NAV3: variants seen among roughly 807,000 people sequenced by gnomAD.
NAV3 encodes neuron navigator 3.
A neutral mutation model predicts 244.7 loss-of-function variants in NAV3; 87 were observed. That is an observed-to-expected ratio of 0.36 (90% CI 0.30 to 0.42). The LOEUF (loss-of-function observed/expected upper bound fraction) is 0.42. Among genes scored for constraint, NAV3 ranks in the 20% least tolerant of loss-of-function variants. NAV3 has a pLI of 1.00. For synonymous variants in NAV3, 1,126 were observed against 1,042.2 expected (o/e 1.08, Z -1.55); for missense variants, 2,663 against 2,893.3 (o/e 0.92, Z 1.83).
At chr12:77,683,753 T>G (rs535779403) in intron 2 of NAV3, among the ~76,000 whole-genome samples, 261 of 151,994 alleles carry the variant, frequency 1.7e-3, no homozygotes, top group African/African-American at 6.0e-3. Flanking sequence ...GAGATTCTTT[T>G]GTTTACTGTG....
chr12:78,120,904 T>C (rs1281838547), intron 15 of NAV3, among the ~76,000 whole-genome samples: 1 of 152,232 alleles, frequency 6.6e-6, no homozygotes, highest in Non-Finnish European at 1.5e-5. Flanking sequence ...CAATTTCAGA[T>C]ACCTGATTGT....
chr12:77,670,895 T>G (rs1175835738), intron 2 of NAV3, among the ~76,000 whole-genome samples: 2 of 152,106 alleles, frequency 1.3e-5, no homozygotes, highest in Non-Finnish European at 2.9e-5. Flanking sequence ...GGATGGGTAC[T>G]TTCACCACTT....
chr12:77,671,509 A>G (rs1873971950), intron 2 of NAV3, among the ~76,000 whole-genome samples: 1 of 152,188 alleles, frequency 6.6e-6, no homozygotes, highest in Non-Finnish European at 1.5e-5. Context: ...CCTGACTTCA[A>G]ACTATACTAT....
At chr12:77,825,330 T>C (rs1363326746) in intron 2 of NAV3, among the ~76,000 whole-genome samples, 6 of 152,190 alleles carry the variant, frequency 3.9e-5, no homozygotes, top group South Asian at 4.1e-4. Flanking sequence ...GATTATTCAG[T>C]TTTTAATTTT....
chr12:77,715,664 G>A (rs576330918), intron 2 of NAV3, among the ~76,000 whole-genome samples: 1 of 152,040 alleles, frequency 6.6e-6, no homozygotes, highest in Admixed American at 6.6e-5. Flanking sequence ...TTGAAGCAGA[G>A]TTCTTTTTTC....
At chr12:77,786,128 T>A (rs1870894155) in intron 2 of NAV3, among the ~76,000 whole-genome samples, 1 of 152,116 alleles carries the variant, frequency 6.6e-6, no homozygotes, top group Non-Finnish European at 1.5e-5. Context: ...TAGCGCCTCT[T>A]AAAAAAATCC....
At chr12:77,915,833 C>G (rs1592989241) in intron 1 of NAV3, among the ~76,000 whole-genome samples, 1 of 151,920 alleles carries the variant, frequency 6.6e-6, no homozygotes, top group African/African-American at 2.4e-5. Flanking sequence ...GTTTATTGAT[C>G]ATTTCCTGTG....
intron 1 of NAV3, among the ~76,000 whole-genome samples, chr12:77,865,252 CTTTTA>C (rs942374797): frequency 6.6e-6 from 1 of 151,972 alleles, no homozygotes; most frequent in African/African-American, 2.4e-5. Context: ...TATTATTATA[CTTTTA>C]TTTTACTTTA....
In NAV3 at chr12:78,144,539, G is replaced by T. The variant is rs146085239; in HGVS notation, c.4684-1830G>T. Among the ~76,000 whole-genome samples the T allele has an allele frequency of 2.1e-3, 317 of 152,144 alleles. 2 individuals carry two copies. The highest frequency in any genetic ancestry group is 7.2e-3 in the African/African-American group (298 of 41,498). ...GTATTAATAACCACAGAGTACGAAA[G>T]AAGGCAAAGGTTAAAGCAAATAATA... On this transcript the variant is annotated intron_variant, in intron 20 of 39. Transcript: ENST00000397909.
intron 5 of NAV3, among the ~76,000 whole-genome samples, chr12:77,971,917 T>C (rs535109677): frequency 4.6e-5 from 7 of 152,326 alleles, no homozygotes; most frequent in African/African-American, 1.4e-4. Context: ...TTCCACAACA[T>C]TTATTTTATA....
In NAV3 at chr12:77,878,047, G is replaced by A. The variant is rs567802957; in HGVS notation, c.243+46343G>A. Among the ~76,000 whole-genome samples the A allele has an allele frequency of 4.6e-4, 70 of 152,068 alleles. 1 individual carries two copies. In the South Asian group the frequency reaches 0.012, roughly 27 times the overall value. ...AAATATCTAACCAATGCTCCCCAAA[G>A]CTGTCAAGGTCATCAAAAACAAGGG... On this transcript the variant is annotated intron_variant, in intron 1 of 39. Transcript: ENST00000397909.
chr12:77,966,105 A>T (rs1892487553), intron 3 of NAV3, 124 bp from the exon 4 acceptor site: 2 of 827,032 alleles, frequency 2.4e-6, no homozygotes, highest in Non-Finnish European at 4.0e-6. Flanking sequence ...TCTGGTTAAG[A>T]CTTCTAGTAT....
intron 3 of NAV3, among the ~76,000 whole-genome samples, chr12:77,951,573 A>G: frequency 6.6e-6 from 1 of 152,194 alleles, no homozygotes; most frequent in East Asian, 1.9e-4. Flanking sequence ...TACTTGGTAT[A>G]TACCCAAAGG....
intron 1 of NAV3, among the ~76,000 whole-genome samples, chr12:77,936,732 C>A (rs1484406907): frequency 6.6e-6 from 1 of 152,088 alleles, no homozygotes; most frequent in Non-Finnish European, 1.5e-5. Context: ...CTGATTTCAC[C>A]ATCCTGTTGT....
Position 78,119,724 on chromosome 12 carries a change from G to C in NAV3, c.3528G>C (p.Ser1176=), listed in dbSNP as rs1955585441. 6.2e-7 allele frequency: 1 copy of C among 1,614,122 alleles called. No individual in the cohort carries two copies. The highest frequency in any genetic ancestry group is 8.5e-7 in the Non-Finnish European group (1 of 1,180,014). The change falls in exon 15 of 40, where the codon TCG becomes TCC. Residue 1176 remains serine (S), a synonymous_variant. Coordinates refer to ENST00000397909, the MANE Select transcript of NAV3 (RefSeq NM_001024383.2). ...VSSKSAGATT[S]KLREPTKIGS... ...GCAAGTCTGCTGGGGCCACCACCTC[G>C]AAACTGAGAGAACCAACTAAAATTG...
At chr12:77,610,271 T>C (rs771002) in intron 2 of NAV3, among the ~76,000 whole-genome samples, 25,914 of 152,036 alleles carry the variant, frequency 0.17, 2,494 homozygotes, top group Middle Eastern at 0.27. Flanking sequence ...AGTGCTGTCA[T>C]GTAGAAAACA....
rs1868316670 is a variant in NAV3, at chr12:77,740,911, G to A, written c.72+168645G>A. Among the ~76,000 whole-genome samples the A allele has an allele frequency of 2.0e-5, 3 of 151,948 alleles. No homozygotes were observed. The South Asian group carries it at 6.2e-4, about 32-fold the overall frequency. On this transcript the variant is annotated intron_variant, in intron 2 of 8. Coordinates refer to the NAV3 transcript ENST00000550042. ...ATTGAAGCCTCTTACACCAAGCATGGTGTAAGTTGCCGTGCAAAGAAGTGA... is the reference window on the plus strand; with the variant it reads ...ATTGAAGCCTCTTACACCAAGCATGATGTAAGTTGCCGTGCAAAGAAGTGA...
At chr12:77,838,381 G>T (rs1187922309) in intron 1 of NAV3, among the ~76,000 whole-genome samples, 1 of 152,064 alleles carries the variant, frequency 6.6e-6, no homozygotes, top group African/African-American at 2.4e-5. Flanking sequence ...TTTAGTTCAT[G>T]CTTTACAGTG....
At chr12:77,668,570 C>T (rs915196874) in intron 2 of NAV3, among the ~76,000 whole-genome samples, 8 of 151,864 alleles carry the variant, frequency 5.3e-5, no homozygotes, top group African/African-American at 1.9e-4. Flanking sequence ...TGAATTAACC[C>T]AATCCATCAA....
Sources: gnomAD v4.1 joint callset for allele counts (sites outside exome capture counted in the v4.1 genomes callset) on GRCh38, gnomAD v4.1.1 for gene constraint, MANE v1.5 for transcripts, NCBI Gene and HGNC (gene_info 2026-07-23, HGNC 2026-07-21) for gene names.